The following PDZD2 variants were observed in gnomAD, a reference collection of about 807,000 sequenced individuals.
PDZD2 encodes the protein PDZ domain containing 2, also known as PDZ domain-containing protein 2.
Under a neutral mutation model 220.7 loss-of-function variants are expected in PDZD2, and 90 were observed. The ratio of observed to expected loss-of-function variants is 0.41; its 90% CI spans 0.34 to 0.49. The LOEUF (loss-of-function observed/expected upper bound fraction) is 0.49, where lower values mean the gene tolerates loss of function less well. Among genes scored for constraint, PDZD2 ranks in the 20% least tolerant of loss-of-function variants. The pLI is 0.28. For missense variants in PDZD2, 3,174 were observed against 3,608.5 expected (o/e 0.88, Z 3.08); for synonymous variants, 1,375 against 1,450.5 (o/e 0.95, Z 1.18).
intron 2 of PDZD2, among the ~76,000 whole-genome samples, chr5:31,810,263 ATTTT>A (rs11418133): frequency 7.5e-6 from 1 of 132,748 alleles, no homozygotes. Context: ...TTCTCCAGAG[ATTTT>A]TTTTTTTTTT....
chr5:31,982,507 T>C (rs573779287), intron 2 of PDZD2, among the ~76,000 whole-genome samples: 1 of 152,256 alleles, frequency 6.6e-6, no homozygotes, highest in South Asian at 2.1e-4. Context: ...GGGGTTTCGC[T>C]ATGTTACCCA....
intron 2 of PDZD2, chr5:31,848,253 T>G (rs1416328484): frequency 5.6e-6 from 1 of 179,884 alleles, no homozygotes; most frequent in African/African-American, 2.4e-5. Context: ...GACCAGAGCC[T>G]TGACCACCAT....
chr5:31,707,634 A>T (rs1052927823), intron 1 of PDZD2, among the ~76,000 whole-genome samples: 1 of 146,538 alleles, frequency 6.8e-6, no homozygotes, highest in Non-Finnish European at 1.5e-5. Flanking sequence ...TGCAAAAGTG[A>T]ACTTGCTTTT....
At chr5:32,045,281 T>C (rs1469940639) in intron 7 of PDZD2, among the ~76,000 whole-genome samples, 1 of 152,200 alleles carries the variant, frequency 6.6e-6, no homozygotes, top group Admixed American at 6.5e-5. Context: ...TAAAGCAACA[T>C]CATCTCTCAT....
chr5:32,051,491 A>G (rs1738545981), intron 8 of PDZD2, among the ~76,000 whole-genome samples: 1 of 152,244 alleles, frequency 6.6e-6, no homozygotes, highest in Non-Finnish European at 1.5e-5. Context: ...CTCTTTTCTC[A>G]TATTAAACAT....
chr5:31,659,053 C>G (rs865912881), intron 1 of PDZD2, among the ~76,000 whole-genome samples: 2 of 152,116 alleles, frequency 1.3e-5, no homozygotes, highest in Non-Finnish European at 2.9e-5. Flanking sequence ...GAATCTTTTC[C>G]ATACTGACTT....
chr5:31,897,469 A>T (rs1316408946), intron 2 of PDZD2, among the ~76,000 whole-genome samples: 1 of 152,168 alleles, frequency 6.6e-6, no homozygotes, highest in South Asian at 2.1e-4. Flanking sequence ...TTCAAATATA[A>T]GTCGCAAGTG....
intron 1 of PDZD2, among the ~76,000 whole-genome samples, chr5:31,786,401 C>T (rs1328840747): frequency 1.3e-5 from 2 of 152,204 alleles, no homozygotes; most frequent in African/African-American, 2.4e-5. Flanking sequence ...CTTCTTGAAA[C>T]CTTGGTTCTA....
At chr5:31,831,338 G>A (rs13190225) in intron 2 of PDZD2, among the ~76,000 whole-genome samples, 27,661 of 151,642 alleles carry the variant, frequency 0.18, 2,616 homozygotes, top group Middle Eastern at 0.24. Flanking sequence ...AAAATTGGCC[G>A]GGTGCAGTGG....
At chr5:32,104,512 T>C (rs1744550981) in intron 24 of PDZD2, among the ~76,000 whole-genome samples, 1 of 151,202 alleles carries the variant, frequency 6.6e-6, no homozygotes, top group Admixed American at 6.6e-5. Flanking sequence ...CCACCTGAGG[T>C]CAGGAGTTAG....
At chr5:31,830,558 C>T (rs1337161580) in intron 2 of PDZD2, among the ~76,000 whole-genome samples, 2 of 151,934 alleles carry the variant, frequency 1.3e-5, no homozygotes, top group African/African-American at 4.8e-5. Context: ...TTGGGACATC[C>T]ATTTGTTTCT....
At chr5:31,696,334 C>T (rs403662) in intron 1 of PDZD2, among the ~76,000 whole-genome samples, 3 of 151,956 alleles carry the variant, frequency 2.0e-5, no homozygotes, top group Non-Finnish European at 2.9e-5. Context: ...GGGTCTCACT[C>T]TGTCCCCCAG....
intron 6 of PDZD2, among the ~76,000 whole-genome samples, chr5:32,016,742 A>G (rs1753816962): frequency 6.6e-6 from 1 of 151,980 alleles, no homozygotes; most frequent in Non-Finnish European, 1.5e-5. Flanking sequence ...TTGGACTTCC[A>G]CTTGCTATTT....
intron 14 of PDZD2, among the ~76,000 whole-genome samples, chr5:32,065,077 A>T (rs183979764): frequency 6.6e-6 from 1 of 152,246 alleles, no homozygotes; most frequent in East Asian, 1.9e-4. Flanking sequence ...AGGTGGGCAG[A>T]TCACTTGAGG....
At chr5:31,907,244 A>G (rs570433693) in intron 2 of PDZD2, among the ~76,000 whole-genome samples, 1 of 152,232 alleles carries the variant, frequency 6.6e-6, no homozygotes, top group Non-Finnish European at 1.5e-5. Flanking sequence ...TACCAGCAGC[A>G]TGGTTGGTTT....
chr5:31,874,444 T>G (rs1739116768), intron 2 of PDZD2, among the ~76,000 whole-genome samples: 1 of 152,164 alleles, frequency 6.6e-6, no homozygotes, highest in East Asian at 1.9e-4. Context: ...ATATGCATTT[T>G]TAGAATTCTT....
chr5:32,030,305 G>T (rs1755022180), intron 6 of PDZD2, among the ~76,000 whole-genome samples: 1 of 152,242 alleles, frequency 6.6e-6, no homozygotes, highest in Non-Finnish European at 1.5e-5. Context: ...TTCTGTTGAT[G>T]ATTCTAGAGC....
At chr5:31,831,336 C>T (rs1283071300) in intron 2 of PDZD2, among the ~76,000 whole-genome samples, 1 of 151,914 alleles carries the variant, frequency 6.6e-6, no homozygotes, top group Non-Finnish European at 1.5e-5. Flanking sequence ...CAAAAATTGG[C>T]CGGGTGCAGT....
chr5:31,768,251 G>A (rs978964265), intron 1 of PDZD2, among the ~76,000 whole-genome samples: 1 of 152,182 alleles, frequency 6.6e-6, no homozygotes, highest in Admixed American at 6.5e-5. Flanking sequence ...AGGCGAGCAG[G>A]CAGCTTGCAA....
Sources: gnomAD v4.1 joint callset for allele counts (sites outside exome capture counted in the v4.1 genomes callset) on GRCh38, gnomAD v4.1.1 for gene constraint, MANE v1.5 for transcripts, NCBI Gene and HGNC (gene_info 2026-07-23, HGNC 2026-07-21) for gene names.